The following DOCK10 variants were observed in gnomAD, a reference collection of about 807,000 sequenced individuals.
The protein encoded by DOCK10 is dedicator of cytokinesis 10.
A neutral mutation model predicts 280.1 loss-of-function variants in DOCK10; 145 were observed. That is an observed-to-expected ratio of 0.52 (90% confidence interval 0.45 to 0.59). DOCK10 has a LOEUF of 0.59. DOCK10 is among the 20% of genes least tolerant of loss of function. DOCK10 has a pLI of 0.00. For synonymous variants in DOCK10, 915 were observed against 942.2 expected, an observed-to-expected ratio of 0.97 and a Z score of 0.53; for missense variants, 2,368 against 2,651.7, an observed-to-expected ratio of 0.89 and a Z score of 2.35.
chr2:224,808,876 T>C (rs1693582622), intron 31 of DOCK10, among the ~76,000 whole-genome samples: 1 of 151,188 alleles, frequency 6.6e-6, no homozygotes, highest in African/African-American at 2.4e-5. Flanking sequence ...TACAGGACAT[T>C]GTAGCAATGG....
At chr2:224,837,633 A>G in intron 25 of DOCK10, 129 bp downstream of exon 25, 1 of 700,366 alleles carries the variant, frequency 1.4e-6, no homozygotes, top group South Asian at 1.8e-5. Context: ...GCTAAGGCAA[A>G]TTCCTGATAT....
intron 1 of DOCK10, among the ~76,000 whole-genome samples, chr2:225,021,572 T>C (rs1368057568): frequency 6.6e-6 from 1 of 152,228 alleles, no homozygotes; most frequent in Non-Finnish European, 1.5e-5. Flanking sequence ...TTGTTTTATT[T>C]TGTGGGGAAC....
Position 224,896,305 on chromosome 2 carries a change from G to A in DOCK10, c.406C>T (p.Gln136Ter). 6.3e-7 allele frequency: 1 copy of A among 1,596,198 alleles called. No individual in the cohort carries two copies. Reference protein sequence around the residue: ...KYEQYSGDIRQLPRAEYKPEK... With the variant: ...KYEQYSGDIR ...ATAACAGGTTCTTACCGGGGTAGCT[G>A]TCGAATGTCTCCAGAATATTGTTCA... Residue 136 changes from glutamine (Q) to a stop codon, truncating the protein, a stop_gained, in exon 4 of 56, where the codon CAG becomes TAG. Transcript: ENST00000258390. LOFTEE classifies it high-confidence loss of function.
At chr2:224,863,085 C>A (rs931816136) in intron 13 of DOCK10, among the ~76,000 whole-genome samples, 1 of 152,132 alleles carries the variant, frequency 6.6e-6, no homozygotes, top group Non-Finnish European at 1.5e-5. Flanking sequence ...TCTATATCCC[C>A]TTTTATTTGT....
At chr2:224,965,886 T>C (rs1412564602) in intron 1 of DOCK10, among the ~76,000 whole-genome samples, 3 of 152,200 alleles carry the variant, frequency 2.0e-5, no homozygotes, top group Admixed American at 2.0e-4. Flanking sequence ...TCTCACAGTA[T>C]TATTTTTGGG....
intron 25 of DOCK10, among the ~76,000 whole-genome samples, chr2:224,837,100 T>G (rs985902011): frequency 6.6e-6 from 1 of 152,244 alleles, no homozygotes. Context: ...CTGGATGGGT[T>G]CTTTCTTTTC....
At chr2:224,911,247 C>A (rs187461464) in intron 3 of DOCK10, among the ~76,000 whole-genome samples, 194 of 152,196 alleles carry the variant, frequency 1.3e-3, no homozygotes, top group African/African-American at 4.4e-3. Flanking sequence ...TGAGAAATTT[C>A]CCCCAAGGAG....
rs1216092940 is a variant in DOCK10, at chr2:224,795,152, T to G, written c.4939-58A>C. 9 of 1,480,920 alleles carry G rather than the reference T, an allele frequency of 6.1e-6. No homozygotes were observed. In the East Asian group the frequency reaches 2.0e-4, roughly 34 times the overall value. The allele number at this position is 1,480,920 out of a possible 1,614,324, so 91.7% of individuals were successfully genotyped here. On this transcript the variant is annotated intron_variant, in intron 44 of 55. Coordinates refer to ENST00000258390, the MANE Select transcript of DOCK10 (RefSeq NM_014689.3). ...GTTTAGAATCTATAGGTTAACTGAC[T>G]TTAAGTTATGCTATTAATTATGGCT... is the stretch of plus-strand genomic sequence containing the variant.
chr2:224,892,397 CAAAAAAAAAAA>C (rs1174651393), intron 4 of DOCK10, among the ~76,000 whole-genome samples: 4 of 52,254 alleles, frequency 7.7e-5, no homozygotes, highest in Admixed American at 5.9e-4. Context: ...GACCCTGTCT[CAAAAAAAAAAA>C]AAAAAAAAAA....
intron 49 of DOCK10, 27 bp from the exon 50 acceptor site, chr2:224,787,162 T>C (rs761281428): frequency 6.2e-7 from 1 of 1,608,040 alleles, no homozygotes; most frequent in Non-Finnish European, 8.5e-7. Context: ...AAGAGTTTCA[T>C]GAAGATGATG....
intron 1 of DOCK10, among the ~76,000 whole-genome samples, chr2:225,035,570 A>ATTATATATATATATATATATAT (rs368666534): frequency 1.2e-4 from 7 of 58,234 alleles, no homozygotes; most frequent in Non-Finnish European, 2.8e-4. Flanking sequence ...ATATATATAT[A>ATTATATATATATATATATATAT]TATATATATA....
At chr2:224,821,070 C>T (rs1694475561) in intron 28 of DOCK10, among the ~76,000 whole-genome samples, 3 of 152,176 alleles carry the variant, frequency 2.0e-5, no homozygotes, top group African/African-American at 7.2e-5. Flanking sequence ...CATTTGAATC[C>T]TATTTACTTC....
intron 1 of DOCK10, among the ~76,000 whole-genome samples, chr2:225,012,386 A>G (rs1309179645): frequency 6.6e-6 from 1 of 152,254 alleles, no homozygotes; most frequent in Admixed American, 6.5e-5. Context: ...AATTAGGGAC[A>G]ATACATCAAT....
At position 224,918,544 on chromosome 2, in the gene DOCK10, A is replaced by G. The variant is rs908642954; in HGVS notation, c.244-1760T>C. Among the ~76,000 whole-genome samples the G allele has an allele frequency of 9.4e-5, 13 of 138,092 alleles. No homozygotes were observed. The South Asian group carries it at 3.1e-3, about 33-fold the overall frequency. The allele number at this position is 138,092 out of a possible 152,430, so 90.6% of individuals were successfully genotyped here. A position where few individuals can be genotyped will look rare whatever the true frequency, so the allele number is the denominator to read the frequency against. ...GTGTTAGAGTGTGTGACGAATGTGT[A>G]TATGTGTGAGTGTGTGTGGTGAGTG... On this transcript the variant is annotated intron_variant, in intron 2 of 55. Transcript: ENST00000258390.
chr2:224,904,118 A>G (rs954610289), intron 3 of DOCK10, among the ~76,000 whole-genome samples: 1 of 152,214 alleles, frequency 6.6e-6, no homozygotes, highest in African/African-American at 2.4e-5. Context: ...TAGTCACCAC[A>G]TATGAACACA....
At chr2:224,960,625 G>A (rs903463844) in intron 1 of DOCK10, among the ~76,000 whole-genome samples, 1 of 148,164 alleles carries the variant, frequency 6.7e-6, no homozygotes, top group Admixed American at 6.7e-5. Context: ...ACTTTATCAT[G>A]ATTTTACTAA....
chr2:224,814,597 C>T (rs1694002819), intron 30 of DOCK10, among the ~76,000 whole-genome samples: 1 of 152,162 alleles, frequency 6.6e-6, no homozygotes, highest in Non-Finnish European at 1.5e-5. Flanking sequence ...TCTTGGCTGA[C>T]TGCAACCTCT....
intron 1 of DOCK10, among the ~76,000 whole-genome samples, chr2:225,032,841 T>C (rs1690119232): frequency 1.3e-5 from 2 of 152,248 alleles, no homozygotes; most frequent in South Asian, 4.1e-4. Flanking sequence ...CAAATGTTCA[T>C]GTCTGGGTTC....
chr2:224,852,957 T>C lies in DOCK10; in HGVS notation c.2054A>G (p.Asp685Gly). Residue 685 changes from aspartate (D) to glycine (G), a missense_variant, in exon 17 of 56, where the codon GAT (aspartate) becomes GGT (glycine). Transcript: ENST00000258390. ...IYIYPKHLKY[D>G]SQKCFNKARN... ...TACCTTGTTGAAGCATTTCTGGCTA[T>C]CATACTTGAGGTGTTTGGGGTAAAT... 6.3e-7 allele frequency: 1 copy of C among 1,599,626 alleles called. No individual in the cohort carries two copies. Among genetic ancestry groups the C allele is most frequent in the South Asian group, 1.1e-5 (1 of 88,878 alleles).
Sources: allele counts gnomAD v4.1 joint callset (sites outside exome capture counted in the v4.1 genomes callset), GRCh38; gene constraint gnomAD v4.1.1; transcripts MANE v1.5; gene names NCBI Gene and HGNC (gene_info 2026-07-23, HGNC 2026-07-21).